FBXL2: variants seen among roughly 807,000 people sequenced by gnomAD.
The protein encoded by FBXL2 is F-box/LRR-repeat protein 2.
Under a neutral mutation model 69.2 loss-of-function variants are expected in FBXL2, and 38 were observed. The ratio of observed to expected loss-of-function variants is 0.55; its 90% CI spans 0.42 to 0.72. The LOEUF is 0.72. Among genes scored for constraint, FBXL2 ranks in the 30% least tolerant of loss-of-function variants. The pLI, the probability that FBXL2 is intolerant of heterozygous loss-of-function variation, is 0.00. For missense variants in FBXL2, 354 were observed against 520.3 expected (o/e 0.68, Z 3.11); for synonymous variants, 192 against 201.3 (o/e 0.95, Z 0.39).
At chr3:33,289,696 C>T in intron 1 of FBXL2, 1 of 956,512 alleles carries the variant, frequency 1.0e-6, no homozygotes, top group Non-Finnish European at 1.2e-6. Context: ...CAGGACTACA[C>T]CTACCTGCCA....
chr3:33,356,299 C>T lies in FBXL2; in HGVS notation c.66-2668C>T, dbSNP rs148671889. On this transcript the variant is annotated intron_variant, in intron 2 of 14. Transcript: ENST00000484457. ...TTGGGGCAAGTTTGAGATTGCAGCT[C>T]AGGTAACACTGGGAAGTGATCCCGA... Among the ~76,000 whole-genome samples the T allele has an allele frequency of 2.0e-4, 31 of 152,312 alleles. No individual in the cohort carries two copies. The East Asian group carries it at 5.4e-3, about 27-fold the overall frequency.
At chr3:33,322,709 A>T (rs1188284512) in intron 2 of FBXL2, among the ~76,000 whole-genome samples, 2 of 152,172 alleles carry the variant, frequency 1.3e-5, no homozygotes, top group Non-Finnish European at 2.9e-5. Context: ...AGAGAAAGGG[A>T]ATAAGGGAGA....
chr3:33,282,659 T>C (rs924885418), intron 1 of FBXL2, among the ~76,000 whole-genome samples: 2 of 152,232 alleles, frequency 1.3e-5, no homozygotes, highest in African/African-American at 4.8e-5. Context: ...TTTCACGATA[T>C]TGATTCTTCC....
At chr3:33,315,890 TGTAA>T (rs2037644196) in intron 2 of FBXL2, among the ~76,000 whole-genome samples, 1 of 152,138 alleles carries the variant, frequency 6.6e-6, no homozygotes, top group Admixed American at 6.5e-5. Flanking sequence ...TTAATGGAGA[TGTAA>T]GTGAGGAAAG....
chr3:33,341,037 A>T (rs993839358), intron 2 of FBXL2, among the ~76,000 whole-genome samples: 28 of 152,318 alleles, frequency 1.8e-4, no homozygotes, highest in African/African-American at 6.5e-4. Flanking sequence ...TTGAATTTAG[A>T]ATGTCACCAT....
chr3:33,360,918 C>CTTTTTTTTT (rs58912118), intron 4 of FBXL2, among the ~76,000 whole-genome samples: 3 of 57,130 alleles, frequency 5.3e-5, no homozygotes, highest in South Asian at 8.3e-4. Context: ...ACATGAAGAA[C>CTTTTTTTTT]TTTTTTTTTT....
the FBXL2 span, among the ~76,000 whole-genome samples, chr3:33,420,887 A>C: frequency 6.6e-6 from 1 of 152,170 alleles, no homozygotes; most frequent in African/African-American, 2.4e-5. Context: ...CCTCCCAAAA[A>C]TGCTGGGATT....
intron 10 of FBXL2, among the ~76,000 whole-genome samples, chr3:33,376,417 T>TC (rs1462409873): frequency 6.6e-6 from 1 of 152,188 alleles, no homozygotes; most frequent in African/African-American, 2.4e-5. Flanking sequence ...CCAATTTTTC[T>TC]TACTGTTGTA....
chr3:33,347,884 A>G lies in FBXL2; in HGVS notation c.66-11083A>G, dbSNP rs1163401426. Among the ~76,000 whole-genome samples the G allele has an allele frequency of 1.1e-4, 16 of 151,198 alleles. No homozygotes were observed. The South Asian group carries it at 2.7e-3, about 26-fold the overall frequency. ...TTGGATTGTTAGATTTTTTTTTCCTATAGGGTTGTTTGAGCTCCTTATATA... is the reference window on the plus strand; with the variant it reads ...TTGGATTGTTAGATTTTTTTTTCCTGTAGGGTTGTTTGAGCTCCTTATATA... On this transcript the variant is annotated intron_variant, in intron 2 of 14. Transcript: ENST00000484457.
chr3:33,300,599 C>A (rs1332349211), intron 2 of FBXL2: 1 of 152,186 alleles, frequency 6.6e-6, no homozygotes, highest in East Asian at 1.9e-4. Context: ...CTCTAGCCAA[C>A]CATGTATTTT....
intron 2 of FBXL2, among the ~76,000 whole-genome samples, chr3:33,332,792 G>C (rs2039270388): frequency 6.6e-6 from 1 of 152,146 alleles, no homozygotes; most frequent in Non-Finnish European, 1.5e-5. Context: ...GTATAGAAAA[G>C]ATACAGGGAA....
intron 4 of FBXL2, among the ~76,000 whole-genome samples, chr3:33,361,965 G>C (rs1371078428): frequency 1.3e-5 from 2 of 152,140 alleles, no homozygotes; most frequent in Non-Finnish European, 2.9e-5. Context: ...CAAGGATCAG[G>C]ATCAACACAC....
chr3:33,399,794 G>T (rs1227774229), intron 12 of FBXL2, among the ~76,000 whole-genome samples: 1 of 152,102 alleles, frequency 6.6e-6, no homozygotes, highest in African/African-American at 2.4e-5. Context: ...TCCTGGTTTT[G>T]CTATTGTACT....
intron 1 of FBXL2, among the ~76,000 whole-genome samples, chr3:33,294,772 G>A (rs1467965219): frequency 1.3e-5 from 2 of 151,834 alleles, no homozygotes; most frequent in African/African-American, 2.4e-5. Flanking sequence ...GAGCCAGGGA[G>A]GTTGAGACTG....
At chr3:33,400,756 G>GT (rs1431708439) in intron 12 of FBXL2, among the ~76,000 whole-genome samples, 2 of 152,132 alleles carry the variant, frequency 1.3e-5, no homozygotes, top group Non-Finnish European at 2.9e-5. Context: ...AGTAAATTCA[G>GT]TATTTCGTAG....
intron 2 of FBXL2, chr3:33,317,646 A>G (rs1223872614): frequency 5.4e-6 from 2 of 371,900 alleles, no homozygotes; most frequent in Non-Finnish European, 1.1e-5. Context: ...TCCATTCCCT[A>G]TTTTGTTTAC....
the FBXL2 span, among the ~76,000 whole-genome samples, chr3:33,418,752 G>A: frequency 6.6e-6 from 1 of 151,262 alleles, no homozygotes; most frequent in Non-Finnish European, 1.5e-5. Context: ...CCAGCTACTT[G>A]GGAAGCTGAG....
chr3:33,408,744 G>A, the FBXL2 span: 1 of 1,613,968 alleles, frequency 6.2e-7, no homozygotes, highest in Non-Finnish European at 8.5e-7. Flanking sequence ...TCCGCTTGCT[G>A]GACTTTTTCT....
chr3:33,378,677 C>A lies in FBXL2; in HGVS notation c.895-8C>A. 1.2e-6 allele frequency: 2 copies of A among 1,611,508 alleles called. No homozygotes were observed. Among genetic ancestry groups the A allele is most frequent in the Non-Finnish European group, 1.7e-6 (2 of 1,179,148 alleles). On this transcript the variant is annotated splice_polypyrimidine_tract_variant and splice_region_variant and intron_variant, in intron 12 of 14. Coordinates refer to ENST00000484457, the MANE Select transcript of FBXL2 (RefSeq NM_012157.5). The stretch of plus-strand genomic sequence containing the variant: ...GAAGCCACACTGACACAGCATGTTT[C>A]TCTCCAGATAACCGACAGCACACTC...
Sources: gnomAD v4.1 joint callset for allele counts (sites outside exome capture counted in the v4.1 genomes callset) on GRCh38, gnomAD v4.1.1 for gene constraint, MANE v1.5 for transcripts, NCBI Gene and HGNC (gene_info 2026-07-23, HGNC 2026-07-21) for gene names.